The following ANKRD36C variants were observed in gnomAD, a reference collection of about 807,000 sequenced individuals.
The protein encoded by ANKRD36C is ankyrin repeat domain-containing protein 36C.
In ANKRD36C, 61 loss-of-function variants were observed where a neutral mutation model predicts 276.4. The ratio of observed to expected loss-of-function variants is 0.22; its 90% CI spans 0.18 to 0.27. The LOEUF (loss-of-function observed/expected upper bound fraction) is 0.27, where lower values mean the gene tolerates loss of function less well. Ranked by LOEUF, ANKRD36C falls within the 10% of genes least tolerant of loss-of-function variation. The pLI is 1.00. For synonymous variants in ANKRD36C, 483 were observed against 680.1 expected (o/e 0.71, Z 4.51); for missense variants, 1,447 against 2,032.3 (o/e 0.71, Z 5.54).
chr2:95,897,733 G>A (rs1342736406), intron 44 of ANKRD36C, among the ~76,000 whole-genome samples: 5 of 148,170 alleles, frequency 3.4e-5, no homozygotes, highest in African/African-American at 4.9e-5. Context: ...CAATATCAAC[G>A]TGGATATGCC....
chr2:95,923,197 A>G (rs1421257418), intron 32 of ANKRD36C, among the ~76,000 whole-genome samples: 1 of 151,590 alleles, frequency 6.6e-6, no homozygotes, highest in African/African-American at 2.4e-5. Flanking sequence ...CCTTGGTGAA[A>G]ACATGCTGTA....
chr2:95,892,441 C>T (rs1478728484), intron 44 of ANKRD36C, among the ~76,000 whole-genome samples: 3 of 151,508 alleles, frequency 2.0e-5, no homozygotes, highest in East Asian at 1.9e-4. Context: ...ATCTCTCACA[C>T]CCATATGGTG....
intron 34 of ANKRD36C, 35 bp downstream of exon 34, chr2:95,921,572 T>G: frequency 6.3e-7 from 1 of 1,587,790 alleles, no homozygotes; most frequent in Non-Finnish European, 8.6e-7. Flanking sequence ...TCTATCTGGA[T>G]TGAACATGAC....
chr2:95,887,994 T>A, exon 50 of ANKRD36C: 1 of 1,600,200 alleles, frequency 6.2e-7, no homozygotes, highest in Non-Finnish European at 8.5e-7. Context: ...TTGTCACTTG[T>A]AGCCTGAATG....
At chr2:95,866,819 C>A (rs1675691205) in intron 60 of ANKRD36C, among the ~76,000 whole-genome samples, 1 of 152,044 alleles carries the variant, frequency 6.6e-6, no homozygotes, top group South Asian at 2.1e-4. Context: ...CATGTGTATA[C>A]ATCTGTTAAA....
chr2:95,946,619 T>A (rs1450085384), intron 17 of ANKRD36C, among the ~76,000 whole-genome samples: 2 of 148,258 alleles, frequency 1.3e-5, no homozygotes, highest in African/African-American at 5.0e-5. Context: ...GTATGTTTAT[T>A]GCAGCATTAT....
chr2:95,927,357 A>G (rs1171037310), intron 27 of ANKRD36C, 24 bp downstream of exon 27: 6 of 1,606,948 alleles, frequency 3.7e-6, no homozygotes, highest in Non-Finnish European at 4.2e-6. Context: ...TAATAGTTCA[A>G]CATATAAATG....
chr2:95,948,675 A>T, intron 16 of ANKRD36C, 79 bp from the exon 17 acceptor site: 1 of 1,317,138 alleles, frequency 7.6e-7, no homozygotes, highest in Middle Eastern at 1.9e-4. Context: ...CTATACATGC[A>T]GGTCCCCTCC....
intron 44 of ANKRD36C, among the ~76,000 whole-genome samples, chr2:95,894,704 A>G (rs1204234903): frequency 2.0e-5 from 3 of 151,416 alleles, no homozygotes; most frequent in Admixed American, 1.3e-4. Context: ...TATAACTAAA[A>G]TCAACAAAAC....
At chr2:95,965,742 T>C (rs1365876964) in intron 6 of ANKRD36C, among the ~76,000 whole-genome samples, 2 of 152,098 alleles carry the variant, frequency 1.3e-5, no homozygotes, top group African/African-American at 4.8e-5. Context: ...GATCATACAA[T>C]AAATCAAATA....
At chr2:95,989,862 C>G (rs1203728070) in intron 1 of ANKRD36C, among the ~76,000 whole-genome samples, 3 of 152,024 alleles carry the variant, frequency 2.0e-5, no homozygotes, top group Non-Finnish European at 4.4e-5. Flanking sequence ...CTCCCAGGAA[C>G]ACTAAATATT....
intron 44 of ANKRD36C, among the ~76,000 whole-genome samples, chr2:95,893,161 T>C (rs1327562805): frequency 6.6e-6 from 1 of 151,448 alleles, no homozygotes; most frequent in Non-Finnish European, 1.5e-5. Context: ...ACAAGTTTTC[T>C]GTCTGTTTTT....
intron 6 of ANKRD36C, among the ~76,000 whole-genome samples, chr2:95,973,586 C>A (rs1188523455): frequency 6.6e-6 from 1 of 152,098 alleles, no homozygotes; most frequent in Non-Finnish European, 1.5e-5. Flanking sequence ...CTAAAAATAT[C>A]TATTAAAACT....
rs772516117 is a variant in ANKRD36C at position 95,916,138 on chromosome 2, A to G, written c.2376+5T>C. The stretch of plus-strand genomic sequence containing the variant: ...AGCTCACAATATAAATGAGAGTTTC[A>G]TTACCTTCAAGGCTGGTTTTTTCCG... On this transcript the variant is annotated splice_donor_5th_base_variant and intron_variant, in intron 37 of 66. Transcript: ENST00000456556. The G allele has an allele frequency of 7.5e-6, 12 of 1,605,360 alleles. No individual in the cohort carries two copies. Among genetic ancestry groups the G allele is most frequent in the Admixed American group, 5.0e-5 (3 of 59,736 alleles).
intron 66 of ANKRD36C, 51 bp downstream of exon 86, chr2:95,851,643 G>A (rs1675294390): frequency 1.4e-6 from 2 of 1,398,894 alleles, no homozygotes; most frequent in African/African-American, 1.4e-5. Flanking sequence ...CCGTCCTACT[G>A]GAAAAATAAA....
chr2:95,912,369 C>T (rs761782628), intron 41 of ANKRD36C, 38 bp downstream of exon 43: 343 of 1,603,186 alleles, frequency 2.1e-4, no homozygotes, highest in Non-Finnish European at 2.7e-4. Context: ...ATAGGCTTTA[C>T]GTTTACTAGC....
chr2:95,880,690 G>T lies in ANKRD36C; in HGVS notation c.3368-67C>A, dbSNP rs149534854. ...TGGTAAGGCCAACCATACATTTGTG[G>T]AGTGTTAACATCAAACTGAATACTC... On this transcript the variant is annotated intron_variant, in intron 56 of 66. Coordinates refer to ENST00000456556, the Ensembl canonical transcript of ANKRD36C. 4.0e-3 allele frequency: 6,065 copies of T among 1,512,928 alleles called. 445 individuals are homozygous for T. The Admixed American group carries it at 0.11, about 27-fold the overall frequency. 93.7% of individuals were successfully genotyped at this position (1,512,928 alleles called of 1,614,324 possible).
At chr2:95,982,997 A>C (rs1290647845) in intron 3 of ANKRD36C, among the ~76,000 whole-genome samples, 1 of 151,752 alleles carries the variant, frequency 6.6e-6, no homozygotes, top group Admixed American at 6.6e-5. Flanking sequence ...TTAACATTTG[A>C]GAAATGAGTT....
chr2:95,917,882 T>C (rs1215866618), exon 36 of ANKRD36C: 1 of 1,606,430 alleles, frequency 6.2e-7, no homozygotes, highest in Middle Eastern at 1.8e-4. Flanking sequence ...CCGTCCTTTA[T>C]TTCTGTGGCT....
Sources: allele counts gnomAD v4.1 joint callset (sites outside exome capture counted in the v4.1 genomes callset), GRCh38; gene constraint gnomAD v4.1.1; transcripts MANE v1.5; gene names NCBI Gene and HGNC (gene_info 2026-07-23, HGNC 2026-07-21).